The following IFT46 variants were observed in gnomAD, a reference collection of about 807,000 sequenced individuals.
The protein encoded by IFT46 is intraflagellar transport protein 46 homolog.
Under a neutral mutation model 39.6 loss-of-function variants are expected in IFT46, and 19 were observed. The observed-to-expected ratio is 0.48, with a 90% CI of 0.33 to 0.70. The LOEUF (loss-of-function observed/expected upper bound fraction) is 0.70. Ranked by LOEUF, IFT46 falls within the 30% of genes least tolerant of loss-of-function variation. The probability of loss-of-function intolerance (pLI) is 0.01; values close to 1 mark genes in which losing one functional copy is unlikely to be tolerated. For missense variants in IFT46, 334 were observed against 364.8 expected (o/e 0.92, Z 0.69); for synonymous variants, 117 against 134.8 (o/e 0.87, Z 0.91).
At chr11:118,573,149 TC>T (rs781943292), upstream of IFT46, among the ~76,000 whole-genome samples, 2 of 152,162 alleles carry the variant, frequency 1.3e-5, no homozygotes, top group African/African-American at 2.4e-5. Context: ...TTCCACTACT[TC>T]CGCAGAACTC....
exon 1 of IFT46, chr11:118,572,675 C>T (rs903387657): frequency 7.7e-6 from 10 of 1,293,558 alleles, no homozygotes; most frequent in Admixed American, 2.3e-5. Context: ...GCTTTTGCTC[C>T]GGGCTCGGGG....
intron 7 of IFT46, among the ~76,000 whole-genome samples, chr11:118,553,866 G>A (rs782492167): frequency 2.0e-5 from 3 of 152,094 alleles, no homozygotes; most frequent in Non-Finnish European, 4.4e-5. Context: ...GAATAGTAAT[G>A]GGTATGAAGT....
chr11:118,553,333 C>T (rs544940139), intron 7 of IFT46, among the ~76,000 whole-genome samples: 2 of 150,366 alleles, frequency 1.3e-5, no homozygotes, highest in African/African-American at 4.9e-5. Flanking sequence ...CCCAGCTACT[C>T]GGGAGGCTGA....
chr11:118,549,774 C>T (rs546125865), intron 9 of IFT46, among the ~76,000 whole-genome samples: 1 of 152,062 alleles, frequency 6.6e-6, no homozygotes, highest in East Asian at 1.9e-4. Flanking sequence ...CAGCCCGCCT[C>T]GGCCTCCCAA....
upstream of IFT46, among the ~76,000 whole-genome samples, chr11:118,568,274 G>C (rs2135519071): frequency 6.6e-6 from 1 of 152,272 alleles, no homozygotes; most frequent in South Asian, 2.1e-4. Context: ...ATTGGGCCAG[G>C]TGAAGTGGCT....
chr11:118,571,454 G>A (rs2135522639), intron 1 of IFT46, among the ~76,000 whole-genome samples: 1 of 152,276 alleles, frequency 6.6e-6, no homozygotes, highest in Admixed American at 6.5e-5. Flanking sequence ...ACCTATGAGT[G>A]GAATTGCTCA....
chr11:118,566,535 T>A (rs919020246), upstream of IFT46, among the ~76,000 whole-genome samples: 2 of 151,952 alleles, frequency 1.3e-5, no homozygotes, highest in Non-Finnish European at 2.9e-5. Context: ...TACTAAAAAA[T>A]TCAAAAAATT....
intron 2 of IFT46, chr11:118,560,449 G>C (rs1434656503): frequency 7.3e-6 from 1 of 136,752 alleles, no homozygotes; most frequent in Non-Finnish European, 1.5e-5. Context: ...GGGGAAGGGA[G>C]GGGAGGGGAG....
intron 9 of IFT46, chr11:118,546,285 C>A: frequency 1.6e-6 from 1 of 643,830 alleles, no homozygotes. Context: ...ATCGCCTGAG[C>A]CTAGGAGTTC....
At position 118,545,422 on chromosome 11, in the gene IFT46, A is replaced by T. The variant is rs1321334035; in HGVS notation, c.806T>A (p.Phe269Tyr). 1 of 1,612,068 alleles carries T rather than the reference A, an allele frequency of 6.2e-7. No individual in the cohort carries two copies. Among genetic ancestry groups the T allele is most frequent in the African/African-American group, 1.3e-5 (1 of 74,870 alleles). The change falls in exon 11 of 12, where the codon TTC (phenylalanine) becomes TAC (tyrosine). Residue 269 changes from phenylalanine to tyrosine, a missense_variant. Physicochemically the swap from Phe to Tyr is conservative, Grantham distance 22. Coordinates refer to ENST00000264021, the MANE Select transcript of IFT46 (RefSeq NM_001168618.2). ...TGCTTGGCTCACCTGTGAGTTCTTGAATTCTGAGTAGAGGGAAAAGAGCAG... is the reference window on the plus strand; with the variant it reads ...TGCTTGGCTCACCTGTGAGTTCTTGTATTCTGAGTAGAGGGAAAAGAGCAG... ...LHLLFSLYSE[F>Y]KNSQHFKALA...
chr11:118,546,669 G>C (rs540744202), intron 9 of IFT46: 1 of 156,788 alleles, frequency 6.4e-6, no homozygotes, highest in African/African-American at 2.4e-5. Context: ...TTTTTCCCCC[G>C]ATCAGTATGG....
At chr11:118,561,282 T>C (rs1266048240) in intron 2 of IFT46, 19 of 1,293,110 alleles carry the variant, frequency 1.5e-5, no homozygotes, top group Non-Finnish European at 1.8e-5. Context: ...CAGAAGCACA[T>C]CATGGGCCAG....
intron 1 of IFT46, chr11:118,572,526 G>A (rs954535891): frequency 3.8e-5 from 61 of 1,611,200 alleles, no homozygotes; most frequent in Non-Finnish European, 5.1e-5. Context: ...GAGTGCGGGC[G>A]CGCCCCACCA....
At chr11:118,566,880 G>A (rs553353137), upstream of IFT46, among the ~76,000 whole-genome samples, 1 of 152,100 alleles carries the variant, frequency 6.6e-6, no homozygotes, top group Non-Finnish European at 1.5e-5. Context: ...GAGATGTAAG[G>A]AACAAATATT....
chr11:118,559,119 C>T (rs1224357147), intron 3 of IFT46, among the ~76,000 whole-genome samples: 8 of 151,860 alleles, frequency 5.3e-5, no homozygotes, highest in African/African-American at 1.7e-4. Context: ...CCGCCCGCCT[C>T]GGCCTCCCAA....
chr11:118,565,498 T>C (rs1422201472), intron 1 of IFT46: 12 of 2,014 alleles, frequency 6.0e-3, no homozygotes, highest in African/African-American at 0.021. Context: ...TGGGGTGGGG[T>C]GGGCTGAGGC....
chr11:118,547,711 C>A (rs1217492785), intron 9 of IFT46, among the ~76,000 whole-genome samples: 1 of 150,698 alleles, frequency 6.6e-6, no homozygotes, highest in Non-Finnish European at 1.5e-5. Flanking sequence ...CATGAGCCAC[C>A]GTGTCCAGCT....
chr11:118,548,893 CTTT>C (rs570165873), intron 9 of IFT46, among the ~76,000 whole-genome samples: 1 of 135,438 alleles, frequency 7.4e-6, no homozygotes, highest in African/African-American at 2.7e-5. Context: ...TCCATTATGA[CTTT>C]TTTTTTTTTT....
chr11:118,552,131 C>A (rs1937662055), intron 8 of IFT46, 83 bp downstream of exon 8: 2 of 1,528,472 alleles, frequency 1.3e-6, no homozygotes, highest in Non-Finnish European at 1.8e-6. Flanking sequence ...TTCCCAGCCT[C>A]TGGGCCTCTT....
Sources: allele counts gnomAD v4.1 joint callset (sites outside exome capture counted in the v4.1 genomes callset), GRCh38; gene constraint gnomAD v4.1.1; transcripts MANE v1.5; gene names NCBI Gene and HGNC (gene_info 2026-07-23, HGNC 2026-07-21).